The following PCDH15 variants were observed in gnomAD, a reference collection of about 807,000 sequenced individuals.
PCDH15 encodes protocadherin-15.
Under a neutral mutation model 178.5 loss-of-function variants are expected in PCDH15, and 129 were observed. The observed-to-expected ratio is 0.72, with a 90% CI of 0.63 to 0.84. The LOEUF (loss-of-function observed/expected upper bound fraction) is 0.84. Among genes scored for constraint, PCDH15 ranks in the 40% least tolerant of loss-of-function variants. The pLI, the probability that PCDH15 is intolerant of heterozygous loss-of-function variation, is 0.00. For missense variants in PCDH15, 2,230 were observed against 2,099.9 expected (o/e 1.06, Z -1.21); for synonymous variants, 800 against 732.0 (o/e 1.09, Z -1.50).
At chr10:54,853,386 TAC>T (rs1953675758) in intron 3 of PCDH15, among the ~76,000 whole-genome samples, 4 of 79,132 alleles carry the variant, frequency 5.1e-5, no homozygotes, top group Admixed American at 1.4e-4. Flanking sequence ...TACACATACA[TAC>T]ATATATATAC....
intron 1 of PCDH15, among the ~76,000 whole-genome samples, chr10:54,732,718 G>C (rs1591345571): frequency 6.6e-6 from 1 of 151,574 alleles, no homozygotes; most frequent in South Asian, 2.1e-4. Context: ...ACTAAAGTCA[G>C]ACAAAAACAT....
Position 54,563,988 on chromosome 10 carries a change from C to T in PCDH15, c.92-36111G>A, listed in dbSNP as rs770657143. ...AAACAAACAAAAAACCTTAGTGAGC[C>T]TAGCTGACTTGTTCTCAAGAACACA... On this transcript the variant is annotated intron_variant, in intron 2 of 37. Coordinates refer to ENST00000644397, the MANE Select transcript of PCDH15 (RefSeq NM_001384140.1). Among the ~76,000 whole-genome samples, 86 of 152,172 alleles carry T rather than the reference C, an allele frequency of 5.7e-4. 1 individual carries two copies. The highest frequency in any genetic ancestry group is 1.1e-3 in the Non-Finnish European group (75 of 68,006).
intron 25 of PCDH15, among the ~76,000 whole-genome samples, chr10:53,929,450 T>C (rs1030590092): frequency 3.9e-5 from 6 of 152,166 alleles, no homozygotes; most frequent in African/African-American, 1.4e-4. Flanking sequence ...ATTATTAATA[T>C]AGTTTCTAAA....
In PCDH15 at chr10:54,974,021, CCTCT is replaced by C. The variant is rs1034122401; in HGVS notation, c.-79-76525_-79-76522del. Among the ~76,000 whole-genome samples, 6 of 148,058 alleles carry C rather than the reference CCTCT, an allele frequency of 4.1e-5. No homozygotes were observed. The South Asian group carries it at 8.6e-4, about 21-fold the overall frequency. On this transcript the variant is annotated intron_variant, in intron 2 of 5. Transcript: ENST00000458638. ...TTATACTGGAGACTCTCATACTAGC[CCTCT>C]CTCTCTCTCCTTCCTTCTCTCTCTC...
chr10:55,184,440 C>G (rs1394495025), intron 1 of PCDH15, among the ~76,000 whole-genome samples: 1 of 151,900 alleles, frequency 6.6e-6, no homozygotes, highest in African/African-American at 2.4e-5. Context: ...CCATCTGCAA[C>G]AATAAACAGT....
intron 2 of PCDH15, among the ~76,000 whole-genome samples, chr10:54,587,142 G>A (rs1274385310): frequency 6.6e-6 from 1 of 152,110 alleles, no homozygotes; most frequent in African/African-American, 2.4e-5. Context: ...CATGATCAGT[G>A]ACCATTGGCA....
chr10:54,651,613 C>G (rs112501401), intron 2 of PCDH15, among the ~76,000 whole-genome samples: 2 of 152,250 alleles, frequency 1.3e-5, no homozygotes, highest in Admixed American at 6.5e-5. Flanking sequence ...AAGGAGAGAT[C>G]CACTCCACCT....
At chr10:54,465,019 C>T (rs187075370) in intron 3 of PCDH15, among the ~76,000 whole-genome samples, 2 of 152,254 alleles carry the variant, frequency 1.3e-5, no homozygotes, top group East Asian at 1.9e-4. Context: ...CTTCTGCACC[C>T]TCTCACACCA....
At chr10:54,858,458 C>G (rs775378204) in intron 3 of PCDH15, among the ~76,000 whole-genome samples, 7 of 152,062 alleles carry the variant, frequency 4.6e-5, no homozygotes, top group Non-Finnish European at 1.0e-4. Flanking sequence ...ATTTGCAAAT[C>G]TGGGATTAGG....
At chr10:54,707,875 T>C (rs1750752451) in intron 1 of PCDH15, among the ~76,000 whole-genome samples, 1 of 152,136 alleles carries the variant, frequency 6.6e-6, no homozygotes, top group South Asian at 2.1e-4. Flanking sequence ...AGAAGGGGAA[T>C]AAAGGACATG....
At chr10:55,322,040 C>G (rs891164341), upstream of PCDH15, among the ~76,000 whole-genome samples, 1 of 152,182 alleles carries the variant, frequency 6.6e-6, no homozygotes, top group Non-Finnish European at 1.5e-5. Flanking sequence ...AGTCCCCACC[C>G]AAGTCTCACC....
intron 14 of PCDH15, among the ~76,000 whole-genome samples, chr10:54,148,992 C>G (rs1041601137): frequency 6.6e-6 from 1 of 152,060 alleles, no homozygotes; most frequent in South Asian, 2.1e-4. Flanking sequence ...TGTGGCATGG[C>G]CTTTTAATTT....
chr10:54,413,892 C>A (rs1438987727), intron 3 of PCDH15, among the ~76,000 whole-genome samples: 4 of 152,158 alleles, frequency 2.6e-5, no homozygotes, highest in Non-Finnish European at 5.9e-5. Context: ...GAGGAGGGTA[C>A]TGGATGAGAG....
chr10:53,985,333 A>C (rs2134691057), intron 21 of PCDH15, among the ~76,000 whole-genome samples: 1 of 152,324 alleles, frequency 6.6e-6, no homozygotes, highest in East Asian at 1.9e-4. Context: ...TTCACAGGGT[A>C]CTTCACACTA....
In PCDH15 at chr10:54,150,991, T is replaced by G. The variant is rs188885012; in HGVS notation, c.1784+2109A>C. On this transcript the variant is annotated intron_variant, in intron 14 of 37. Transcript: ENST00000644397. ...ATGCAAAATAGGAGCTATAGTAAGA[T>G]CAGTCATTATATCATCAACTCAAGA... Among the ~76,000 whole-genome samples, 8 of 152,252 alleles carry G rather than the reference T, an allele frequency of 5.3e-5. No homozygotes were observed. The East Asian group carries it at 1.2e-3, about 22-fold the overall frequency.
chr10:54,259,159 T>C (rs986481998), intron 8 of PCDH15, among the ~76,000 whole-genome samples: 2 of 152,204 alleles, frequency 1.3e-5, no homozygotes, highest in Non-Finnish European at 2.9e-5. Context: ...AGTTTCACTT[T>C]TAGAAAGTAA....
intron 26 of PCDH15, among the ~76,000 whole-genome samples, chr10:53,869,523 CTT>C (rs1445852355): frequency 6.6e-6 from 1 of 152,136 alleles, no homozygotes. Flanking sequence ...ATGAAACAAA[CTT>C]TTTATTATTA....
intron 18 of PCDH15, among the ~76,000 whole-genome samples, chr10:54,035,686 C>T (rs10825199): frequency 0.6 from 91,122 of 151,560 alleles, 29,989 homozygotes; most frequent in Middle Eastern, 0.76. Context: ...TTAATAACCC[C>T]ACTATGTATG....
chr10:53,888,311 T>TATGTATGTAC (rs1554845241), intron 26 of PCDH15, among the ~76,000 whole-genome samples: 1 of 41,838 alleles, frequency 2.4e-5, no homozygotes, highest in East Asian at 9.6e-4. Context: ...TATATATATG[T>TATGTATGTAC]ATATATGTAC....
Sources: allele counts gnomAD v4.1 joint callset (sites outside exome capture counted in the v4.1 genomes callset), GRCh38; gene constraint gnomAD v4.1.1; transcripts MANE v1.5; gene names NCBI Gene and HGNC (gene_info 2026-07-23, HGNC 2026-07-21).